The following SPATA7 variants were observed in gnomAD, a reference collection of about 807,000 sequenced individuals.
SPATA7 encodes spermatogenesis-associated protein 7.
A neutral mutation model predicts 51.8 loss-of-function variants in SPATA7; 43 were observed. That is an observed-to-expected ratio of 0.83 (90% CI 0.65 to 1.07). The LOEUF (loss-of-function observed/expected upper bound fraction) is 1.07, where lower values mean the gene tolerates loss of function less well. SPATA7 is among the 50% of genes least tolerant of loss of function. SPATA7 has a pLI of 0.00. For synonymous variants in SPATA7, 230 were observed against 252.8 expected (o/e 0.91, Z 0.86); for missense variants, 683 against 701.3 (o/e 0.97, Z 0.30).
rs532040271 is a variant in SPATA7, at chr14:88,424,127, A to G, written c.373-2105A>G. Among the ~76,000 whole-genome samples the G allele has an allele frequency of 1.8e-4, 28 of 152,320 alleles. No homozygotes were observed. The East Asian group carries it at 4.6e-3, about 25-fold the overall frequency. ...ACCAGACTCTTTGCTCCATTGGCAC[A>G]TAATTGATGAACCCTTTTCTGATTT... On this transcript the variant is annotated intron_variant, in intron 5 of 11. Transcript: ENST00000393545.
In SPATA7 at chr14:88,393,403, T is replaced by C; in HGVS notation, c.105T>C (p.Thr35=). ...TGTTTTAATTTTTAGCTTTTTGCACTGACTCCTCTTCTCTCAGACTAAGCA... is the reference window on the plus strand; with the variant it reads ...TGTTTTAATTTTTAGCTTTTTGCACCGACTCCTCTTCTCTCAGACTAAGCA... ...HLSTKSNAFC[T]DSSSLRLSTL... Residue 35 remains threonine, a synonymous_variant, in exon 3 of 12, where the codon ACT becomes ACC. Transcript: ENST00000393545. 6.3e-7 allele frequency: 1 copy of C among 1,594,886 alleles called. No individual in the cohort carries two copies. Among genetic ancestry groups the C allele is most frequent in the Non-Finnish European group, 8.6e-7 (1 of 1,168,606 alleles).
chr14:88,391,650 G>A lies in SPATA7; in HGVS notation c.94+195G>A, dbSNP rs185375466. 5.6e-4 allele frequency: 359 copies of A among 644,072 alleles called. 2 individuals carry two copies. Among genetic ancestry groups the A allele is most frequent in the African/African-American group, 4.4e-3 (247 of 55,616 alleles). The allele number at this position is 644,072 out of a possible 1,614,324, so 39.9% of individuals were successfully genotyped here. ...GTCTATGATTTCAAACTATTATTGT[G>A]CCCTGGATGTGGACTTGGCTGTCTC... On this transcript the variant is annotated intron_variant, in intron 2 of 11. Transcript: ENST00000393545.
At chr14:88,468,281 C>T (rs200209418) in intron 4 of SPATA7, 252 of 1,584,402 alleles carry the variant, frequency 1.6e-4, no homozygotes, top group Non-Finnish European at 1.9e-4. Flanking sequence ...TTGAGAGAAA[C>T]GGTAATGAAG....
chr14:88,414,699 T>C, intron 4 of SPATA7: 2 of 395,052 alleles, frequency 5.1e-6, no homozygotes, highest in Non-Finnish European at 9.9e-6. Context: ...AACTTGCCTC[T>C]TAACACTGCT....
intron 1 of SPATA7, among the ~76,000 whole-genome samples, chr14:88,386,984 A>G (rs1274930602): frequency 6.6e-6 from 1 of 152,232 alleles, no homozygotes; most frequent in Non-Finnish European, 1.5e-5. Context: ...ATATAAACTA[A>G]CATTAAACCC....
At position 88,408,961 on chromosome 14, in the gene SPATA7, C is replaced by T. The variant is rs565480759; in HGVS notation, c.239-7750C>T. ...CCTTGCATCCCAGGGATGAAGCCAA[C>T]TTGATCGTGGTGGATAAGCTTTTTG... On this transcript the variant is annotated intron_variant, in intron 4 of 11. Transcript: ENST00000393545. 3.3e-5 allele frequency among the ~76,000 whole-genome samples: 5 copies of T among 152,294 alleles called. No individual in the cohort carries two copies. The South Asian group carries it at 1.0e-3, about 32-fold the overall frequency.
In SPATA7 at chr14:88,438,193, A is replaced by G. The variant is rs1180389700; in HGVS notation, c.1571A>G (p.His524Arg). 30 of 1,613,776 alleles carry G rather than the reference A, an allele frequency of 1.9e-5. No individual in the cohort carries two copies. Among genetic ancestry groups the G allele is most frequent in the Non-Finnish European group, 2.5e-5 (30 of 1,179,920 alleles). Residue 524 changes from histidine to arginine, a missense_variant, in exon 12 of 12, where the codon CAT becomes CGT. Coordinates refer to ENST00000393545, the MANE Select transcript of SPATA7 (RefSeq NM_018418.5). ...NLETSTLDEN[H>R]PSISDSLTDR... ...GAAACTTCAACTTTGGATGAAAATCATCCAAGTATTTCAGACAGTTTAACA... is the reference window on the plus strand; with the variant it reads ...GAAACTTCAACTTTGGATGAAAATCGTCCAAGTATTTCAGACAGTTTAACA...
intron 4 of SPATA7, among the ~76,000 whole-genome samples, chr14:88,414,899 T>C (rs1027618256): frequency 1.3e-5 from 2 of 152,312 alleles, no homozygotes; most frequent in East Asian, 1.9e-4. Context: ...TACCTTTTTT[T>C]CCACCGTGGT....
In SPATA7 at chr14:88,387,404, A is replaced by T. The variant is rs929626002; in HGVS notation, c.19+1567A>T. Reference sequence around the variant, plus strand: ...TCAAATACTGTTATTTTGAATTTTTAAAATAAATGTAATCACCAAATAACC... The same window carrying T: ...TCAAATACTGTTATTTTGAATTTTTTAAATAAATGTAATCACCAAATAACC... On this transcript the variant is annotated intron_variant, in intron 1 of 11. Coordinates refer to ENST00000393545, the MANE Select transcript of SPATA7 (RefSeq NM_018418.5). Among the ~76,000 whole-genome samples the T allele has an allele frequency of 2.2e-4, 33 of 152,094 alleles. 2 individuals carry two copies. The highest frequency in any genetic ancestry group is 7.7e-4 in the African/African-American group (32 of 41,338).
chr14:88,387,224 G>T (rs566486355), intron 1 of SPATA7, among the ~76,000 whole-genome samples: 1 of 152,244 alleles, frequency 6.6e-6, no homozygotes, highest in South Asian at 2.1e-4. Flanking sequence ...AAGGATAAAT[G>T]TAACATTTAG....
At chr14:88,418,442 C>A (rs553027755) in intron 5 of SPATA7, among the ~76,000 whole-genome samples, 2 of 152,102 alleles carry the variant, frequency 1.3e-5, no homozygotes, top group East Asian at 1.9e-4. Context: ...TGTTTCAATT[C>A]GAAGTATTTT....
In SPATA7 at chr14:88,448,160, A is replaced by G. The variant is rs989361680; in HGVS notation, c.178-6900A>G. On this transcript the variant is annotated intron_variant, in intron 3 of 3. Transcript: ENST00000554802. ...ATTTGGTCTTTTCACATAGTCCCAT[A>G]TTTCTTGGAGGCTTTGCTCGTTTCT... Among the ~76,000 whole-genome samples, 34 of 152,028 alleles carry G rather than the reference A, an allele frequency of 2.2e-4. 1 individual carries two copies. The highest frequency in any genetic ancestry group is 1.4e-3 in the Admixed American group (22 of 15,280).
In SPATA7 at chr14:88,468,179, G is replaced by A. The variant is rs369679094; in HGVS notation, c.255-1668G>A. ...TTTTCAGGAACTGGATGAGGACTCTGTACACAAATGTGTACTGGCAGAGAG... is the reference window on the plus strand; with the variant it reads ...TTTTCAGGAACTGGATGAGGACTCTATACACAAATGTGTACTGGCAGAGAG... On this transcript the variant is annotated intron_variant, in intron 4 of 4. Transcript: ENST00000556406. 5.0e-6 allele frequency: 8 copies of A among 1,613,374 alleles called. No individual in the cohort carries two copies. In the African/African-American group the frequency reaches 5.3e-5, roughly 11 times the overall value.
intron 4 of SPATA7, among the ~76,000 whole-genome samples, chr14:88,463,710 G>C (rs1220164353): frequency 6.6e-6 from 1 of 151,974 alleles, no homozygotes; most frequent in Non-Finnish European, 1.5e-5. Context: ...TTTTATTTGG[G>C]AACTACCTGA....
At chr14:88,414,563 G>T in intron 4 of SPATA7, 5 of 272,620 alleles carry the variant, frequency 1.8e-5, no homozygotes, top group South Asian at 3.4e-5. Flanking sequence ...AATTATTTCT[G>T]CTTTTAGATA....
intron 6 of SPATA7, 124 bp from the exon 7 acceptor site, chr14:88,427,506 A>G (rs1049299352): frequency 3.1e-6 from 2 of 645,224 alleles, no homozygotes; most frequent in East Asian, 2.8e-5. Context: ...ATTCAAAATT[A>G]TGTATTTTAT....
intron 4 of SPATA7, among the ~76,000 whole-genome samples, chr14:88,463,067 A>G (rs2077327355): frequency 1.3e-5 from 2 of 152,142 alleles, no homozygotes; most frequent in Non-Finnish European, 2.9e-5. Context: ...ACAGACCTTA[A>G]TTTTACTTGT....
At chr14:88,386,146 G>A (rs945163090) in intron 1 of SPATA7, 9 of 880,302 alleles carry the variant, frequency 1.0e-5, no homozygotes, top group Non-Finnish European at 1.1e-5. Flanking sequence ...AACCAGGTTT[G>A]GTCTTTGGAG....
At chr14:88,391,975 G>A (rs1034916240) in intron 2 of SPATA7, among the ~76,000 whole-genome samples, 4 of 152,250 alleles carry the variant, frequency 2.6e-5, no homozygotes, top group Admixed American at 2.0e-4. Flanking sequence ...TACCTTAGAA[G>A]TATAAGTCTA....
Sources: allele counts gnomAD v4.1 joint callset (sites outside exome capture counted in the v4.1 genomes callset), GRCh38; gene constraint gnomAD v4.1.1; transcripts MANE v1.5; gene names NCBI Gene and HGNC (gene_info 2026-07-23, HGNC 2026-07-21).